ARHGAP20: variants seen among roughly 807,000 people sequenced by gnomAD.
The protein encoded by ARHGAP20 is Rho GTPase activating protein 20.
A neutral mutation model predicts 73.7 loss-of-function variants in ARHGAP20; 34 were observed. The observed-to-expected ratio is 0.46, with a 90% confidence interval of 0.35 to 0.61. The LOEUF (loss-of-function observed/expected upper bound fraction) is 0.61, where lower values mean the gene tolerates loss of function less well. Ranked by LOEUF, ARHGAP20 falls within the 20% of genes least tolerant of loss-of-function variation. ARHGAP20 has a pLI of 0.00. For missense variants in ARHGAP20, 1,314 were observed against 1,420.9 expected, an observed-to-expected ratio of 0.92 and a Z score of 1.21; for synonymous variants, 523 against 518.2, an observed-to-expected ratio of 1.01 and a Z score of -0.13.
At chr11:110,626,824 A>G (rs1301165787) in intron 3 of ARHGAP20, among the ~76,000 whole-genome samples, 2 of 152,132 alleles carry the variant, frequency 1.3e-5, no homozygotes, top group Non-Finnish European at 2.9e-5. Context: ...ACTTATGAAC[A>G]TAAAGCTAGA....
intron 2 of ARHGAP20, among the ~76,000 whole-genome samples, chr11:110,682,516 C>A (rs893538808): frequency 2.0e-5 from 3 of 152,122 alleles, no homozygotes; most frequent in Non-Finnish European, 4.4e-5. Flanking sequence ...AGACCAGACA[C>A]CTGGGTTCTG....
At chr11:110,651,886 T>C (rs11213514) in intron 2 of ARHGAP20, among the ~76,000 whole-genome samples, 38,430 of 152,090 alleles carry the variant, frequency 0.25, 5,042 homozygotes, top group African/African-American at 0.32. Flanking sequence ...TAACTCATTT[T>C]ATGAGACTGG....
intron 2 of ARHGAP20, among the ~76,000 whole-genome samples, chr11:110,679,944 T>G (rs192689745): frequency 1.3e-5 from 2 of 152,318 alleles, no homozygotes; most frequent in Non-Finnish European, 2.9e-5. Flanking sequence ...ACACTGGATG[T>G]GTACACTTTC....
At chr11:110,629,015 C>A (rs1336421269) in intron 3 of ARHGAP20, among the ~76,000 whole-genome samples, 1 of 152,070 alleles carries the variant, frequency 6.6e-6, no homozygotes. Flanking sequence ...TTCTAGTTAT[C>A]ATTGTAACTG....
chr11:110,614,703 G>T, intron 5 of ARHGAP20, 58 bp from the exon 6 acceptor site: 1 of 1,120,592 alleles, frequency 8.9e-7, no homozygotes, highest in Non-Finnish European at 1.3e-6. Flanking sequence ...TTCGCTAATG[G>T]CTTATTTTAA....
At chr11:110,696,646 T>C (rs764925170) in intron 1 of ARHGAP20, among the ~76,000 whole-genome samples, 12 of 151,750 alleles carry the variant, frequency 7.9e-5, no homozygotes, top group East Asian at 7.7e-4. Flanking sequence ...CTGGTGAGGA[T>C]TGGGCTTCTA....
chr11:110,619,477 G>A (rs1378557713), intron 4 of ARHGAP20, among the ~76,000 whole-genome samples: 1 of 152,000 alleles, frequency 6.6e-6, no homozygotes, highest in Non-Finnish European at 1.5e-5. Context: ...TGTAGTGATA[G>A]AGTATATGCA....
Position 110,577,427 on chromosome 11 carries a change from T to A in ARHGAP20, c.*1943A>T, listed in dbSNP as rs1947314472. Reference sequence around the variant, plus strand: ...TTAAAAAACCTCAGCAACTATTTTCTTCTATGCTTCAAATTGGGTGAATGA... The same window carrying A: ...TTAAAAAACCTCAGCAACTATTTTCATCTATGCTTCAAATTGGGTGAATGA... On this transcript the variant is annotated 3_prime_UTR_variant, in exon 15 of 15. Coordinates refer to ENST00000683387, the MANE Select transcript of ARHGAP20 (RefSeq NM_001384657.1). 9.0e-7 allele frequency: 1 copy of A among 1,114,746 alleles called. No individual in the cohort carries two copies. Among genetic ancestry groups the A allele is most frequent in the Admixed American group, 5.0e-5 (1 of 20,022 alleles). The allele number at this position is 1,114,746 out of a possible 1,614,324, so 69.1% of individuals were successfully genotyped here.
chr11:110,579,606 G>T lies in ARHGAP20; in HGVS notation c.3340C>A (p.Pro1114Thr), dbSNP rs1156333349. 1 of 1,614,134 alleles carries T rather than the reference G, an allele frequency of 6.2e-7. No homozygotes were observed. Among genetic ancestry groups the T allele is most frequent in the Non-Finnish European group, 8.5e-7 (1 of 1,179,980 alleles). Residue 1114 changes from proline to threonine, a missense_variant, in exon 15 of 15, where the codon CCC becomes ACC. Pro to Thr is a conservative substitution (Grantham distance 38, BLOSUM62 -1). Coordinates refer to ENST00000683387, the MANE Select transcript of ARHGAP20 (RefSeq NM_001384657.1). Reference sequence around the variant, plus strand: ...CAGTGTCTCTCTGAGTCCTGGAAGGGAGAAGAACTACACCTTTGGGCTGAC... The same window carrying T: ...CAGTGTCTCTCTGAGTCCTGGAAGGTAGAAGAACTACACCTTTGGGCTGAC... Reference protein sequence around the residue: ...VQSAQRCSSSPFQDSERHCSS... With the variant: ...VQSAQRCSSSTFQDSERHCSS...
chr11:110,629,710 C>A (rs190905572), intron 3 of ARHGAP20, among the ~76,000 whole-genome samples: 2 of 152,216 alleles, frequency 1.3e-5, no homozygotes, highest in African/African-American at 4.8e-5. Context: ...GCCTTTTACT[C>A]ATACACGTGG....
rs1055821669 is a variant in ARHGAP20 at position 110,626,956 on chromosome 11, C to T, written c.354-2645G>A. ...CACTTTCAATTTCCATAGTATTAGA[C>T]TATAGAAATTTAAAAATGCTAATTT... On this transcript the variant is annotated intron_variant, in intron 3 of 14. Coordinates refer to ENST00000683387, the MANE Select transcript of ARHGAP20 (RefSeq NM_001384657.1). 2.0e-5 allele frequency among the ~76,000 whole-genome samples: 3 copies of T among 151,954 alleles called. No individual in the cohort carries two copies. The East Asian group carries it at 5.8e-4, about 29-fold the overall frequency.
chr11:110,606,081 A>T (rs1344406547), intron 9 of ARHGAP20, among the ~76,000 whole-genome samples: 1 of 152,216 alleles, frequency 6.6e-6, no homozygotes, highest in African/African-American at 2.4e-5. Context: ...CAGGGAATTC[A>T]TATTAGATTA....
intron 2 of ARHGAP20, among the ~76,000 whole-genome samples, chr11:110,672,024 A>G (rs987195548): frequency 3.9e-5 from 6 of 152,200 alleles, no homozygotes; most frequent in Non-Finnish European, 7.4e-5. Flanking sequence ...TTTATACCAT[A>G]GACAAAATTA....
In ARHGAP20 at chr11:110,577,181, C is replaced by A. The variant is rs1311046865; in HGVS notation, c.*2189G>T. 1 of 1,532,132 alleles carries A rather than the reference C, an allele frequency of 6.5e-7. No homozygotes were observed. Among genetic ancestry groups the A allele is most frequent in the Non-Finnish European group, 8.7e-7 (1 of 1,144,988 alleles). 94.9% of individuals were successfully genotyped at this position (1,532,132 alleles called of 1,614,324 possible). On this transcript the variant is annotated 3_prime_UTR_variant, in exon 15 of 15. Coordinates refer to ENST00000683387, the MANE Select transcript of ARHGAP20 (RefSeq NM_001384657.1). Reference sequence around the variant, plus strand: ...CAAGTACAAAAATACACATTTATTACATAACATATGGTAGTAAAATTTGTC... The same window carrying A: ...CAAGTACAAAAATACACATTTATTAAATAACATATGGTAGTAAAATTTGTC...
intron 2 of ARHGAP20, among the ~76,000 whole-genome samples, chr11:110,677,558 T>C (rs1408262953): frequency 6.6e-6 from 1 of 152,042 alleles, no homozygotes; most frequent in African/African-American, 2.4e-5. Context: ...GGTGGGAAGA[T>C]TGCTTGAGCC....
rs1375512070 is a variant in ARHGAP20 at position 110,578,484 on chromosome 11, A to C, written c.*886T>G. ...ATCACATTTTAACAGCATTTGTGTA[A>C]TTGAGAAAGGACAGTTGTTGTGGTC... is the stretch of plus-strand genomic sequence containing the variant. On this transcript the variant is annotated 3_prime_UTR_variant, in exon 15 of 15. Coordinates refer to ENST00000683387, the MANE Select transcript of ARHGAP20 (RefSeq NM_001384657.1). The C allele has an allele frequency of 3.0e-6, 3 of 985,344 alleles. No homozygotes were observed. In the East Asian group the frequency reaches 3.4e-4, roughly 112 times the overall value. The allele number at this position is 985,344 out of a possible 1,614,324, so 61.0% of individuals were successfully genotyped here.
intron 2 of ARHGAP20, among the ~76,000 whole-genome samples, chr11:110,636,482 C>T (rs1565451276): frequency 6.6e-6 from 1 of 152,038 alleles, no homozygotes; most frequent in African/African-American, 2.4e-5. Context: ...TTTTCACACA[C>T]AATAACTCAT....
rs1457191289 is a variant in ARHGAP20 at position 110,596,239 on chromosome 11, G to A, written c.965-4084C>T. On this transcript the variant is annotated intron_variant, in intron 9 of 14. Transcript: ENST00000683387. The stretch of plus-strand genomic sequence containing the variant: ...CATTCAGGACATAGGCATGGGCAAG[G>A]ACTTCATGTCTAAAACACCAAAAGC... Among the ~76,000 whole-genome samples the A allele has an allele frequency of 4.7e-3, 712 of 150,550 alleles. 8 individuals are homozygous for A. The highest frequency in any genetic ancestry group is 0.017 in the African/African-American group (674 of 40,142).
At chr11:110,642,803 A>T (rs996140726) in intron 2 of ARHGAP20, among the ~76,000 whole-genome samples, 5 of 152,100 alleles carry the variant, frequency 3.3e-5, no homozygotes, top group African/African-American at 1.2e-4. Context: ...GCTTTGTAGA[A>T]TGACTTAGGG....
Sources: allele counts gnomAD v4.1 joint callset (sites outside exome capture counted in the v4.1 genomes callset), GRCh38; gene constraint gnomAD v4.1.1; transcripts MANE v1.5; gene names NCBI Gene and HGNC (gene_info 2026-07-23, HGNC 2026-07-21).